NIPAL2: variants seen among roughly 807,000 people sequenced by gnomAD.
NIPAL2 encodes NIPA like domain containing 2.
In NIPAL2, 43 loss-of-function variants were observed where a neutral mutation model predicts 48.9. The ratio of observed to expected loss-of-function variants is 0.88; its 90% CI spans 0.69 to 1.13. NIPAL2 has a LOEUF of 1.13. Ranked by LOEUF, NIPAL2 falls within the 50% of genes most tolerant of loss-of-function variation. NIPAL2 has a pLI of 0.00. For synonymous variants in NIPAL2, 167 were observed against 174.6 expected (o/e 0.96, Z 0.34); for missense variants, 446 against 461.4 (o/e 0.97, Z 0.31).
chr8:98,247,623 C>G (rs1011486756), intron 3 of NIPAL2, among the ~76,000 whole-genome samples: 6 of 152,186 alleles, frequency 3.9e-5, no homozygotes, highest in African/African-American at 1.4e-4. Flanking sequence ...GTATTACAAT[C>G]ATTTGCAGAC....
intron 3 of NIPAL2, among the ~76,000 whole-genome samples, chr8:98,242,780 G>C (rs183126245): frequency 6.6e-6 from 1 of 152,058 alleles, no homozygotes; most frequent in South Asian, 2.1e-4. Context: ...CACCGCGCCC[G>C]GTCTTTTGCC....
Position 98,252,545 on chromosome 8 carries a change from GGCCATCA to G in NIPAL2, c.287_293del (p.Leu96ProfsTer18), listed in dbSNP as rs1813650377. On this transcript the variant is annotated frameshift_variant, in exon 3 of 11. Transcript: ENST00000430223. LOFTEE classifies it high-confidence loss of function. ...CTGCAAAGTTCCCCGTCTCTCCCAC[GGCCATCA>G]GCAGGACACCACCCCACCACAGCAC... 1 of 1,614,044 alleles carries G rather than the reference GGCCATCA, an allele frequency of 6.2e-7. No individual in the cohort carries two copies. The highest frequency in any genetic ancestry group is 1.3e-5 in the African/African-American group (1 of 75,010).
intron 4 of NIPAL2, 69 bp from the exon 5 acceptor site, chr8:98,222,669 C>T (rs1339337547): frequency 1.1e-5 from 17 of 1,478,274 alleles, no homozygotes; most frequent in Non-Finnish European, 1.6e-5. Context: ...GCAGACATTG[C>T]CTAGAGACTG....
At chr8:98,251,222 G>A (rs944518856) in intron 3 of NIPAL2, among the ~76,000 whole-genome samples, 1 of 152,068 alleles carries the variant, frequency 6.6e-6, no homozygotes, top group African/African-American at 2.4e-5. Context: ...CTAAAGATCA[G>A]CATGACATAC....
At position 98,209,445 on chromosome 8, in the gene NIPAL2, C is replaced by CAAAAAAAAAAAAAAAAAAA. The variant is rs33923448; in HGVS notation, c.655+2941_655+2959dup. ...GCAGCATGGGGATACCCTGTCTCTC[C>CAAAAAAAAAAAAAAAAAAA]AAAAAAAAAAAAAAAAAAAAAAATT... is the stretch of plus-strand genomic sequence containing the variant. On this transcript the variant is annotated intron_variant, in intron 6 of 10. Transcript: ENST00000430223. 2.8e-5 allele frequency among the ~76,000 whole-genome samples: 2 copies of CAAAAAAAAAAAAAAAAAAA among 70,512 alleles called. 1 individual carries two copies. Among genetic ancestry groups the CAAAAAAAAAAAAAAAAAAA allele is most frequent in the Non-Finnish European group, 5.0e-5 (2 of 40,074 alleles). 46.3% of individuals were successfully genotyped at this position (70,512 alleles called of 152,430 possible).
intron 5 of NIPAL2, among the ~76,000 whole-genome samples, chr8:98,213,864 T>C (rs1010869784): frequency 6.6e-6 from 1 of 152,202 alleles, no homozygotes; most frequent in African/African-American, 2.4e-5. Context: ...TCATTTCTTG[T>C]TCATATGTTT....
intron 8 of NIPAL2, among the ~76,000 whole-genome samples, chr8:98,202,284 G>A (rs1309588810): frequency 1.3e-5 from 2 of 152,188 alleles, no homozygotes; most frequent in African/African-American, 4.8e-5. Flanking sequence ...GCTGGTGAGG[G>A]GCATATAGGG....
intron 3 of NIPAL2, among the ~76,000 whole-genome samples, chr8:98,244,427 G>A (rs1813174701): frequency 7.6e-6 from 1 of 131,746 alleles, no homozygotes; most frequent in East Asian, 2.1e-4. Flanking sequence ...ATGATGAGGG[G>A]GTGGGCTGTG....
At chr8:98,259,964 A>G (rs1814193730) in intron 1 of NIPAL2, among the ~76,000 whole-genome samples, 1 of 152,194 alleles carries the variant, frequency 6.6e-6, no homozygotes, top group Non-Finnish European at 1.5e-5. Flanking sequence ...GTAATTTTAA[A>G]CCACAAAACT....
At chr8:98,256,465 A>G (rs1813897817) in intron 1 of NIPAL2, among the ~76,000 whole-genome samples, 1 of 152,198 alleles carries the variant, frequency 6.6e-6, no homozygotes, top group Admixed American at 6.5e-5. Context: ...CAACAAAAAC[A>G]TCCTGATTAA....
intron 1 of NIPAL2, among the ~76,000 whole-genome samples, chr8:98,277,356 C>CT (rs1815530933): frequency 6.6e-6 from 1 of 152,024 alleles, no homozygotes; most frequent in African/African-American, 2.4e-5. Context: ...TGATGAAACT[C>CT]TGTCTCTACT....
chr8:98,257,162 T>C (rs1183507090), intron 1 of NIPAL2, among the ~76,000 whole-genome samples: 1 of 152,092 alleles, frequency 6.6e-6, no homozygotes, highest in African/African-American at 2.4e-5. Context: ...CCCTCCTTCC[T>C]TTAGAATTAG....
chr8:98,253,466 T>C (rs957709351), intron 2 of NIPAL2, among the ~76,000 whole-genome samples: 2 of 152,230 alleles, frequency 1.3e-5, no homozygotes, highest in Non-Finnish European at 2.9e-5. Flanking sequence ...TGGTTAAAAA[T>C]TCATATTTCA....
At chr8:98,226,229 G>T (rs928771116) in intron 4 of NIPAL2, among the ~76,000 whole-genome samples, 1 of 152,060 alleles carries the variant, frequency 6.6e-6, no homozygotes, top group Non-Finnish European at 1.5e-5. Flanking sequence ...GACTTATTTA[G>T]TTTGTTTGGT....
At chr8:98,242,344 C>G (rs2130804381) in intron 3 of NIPAL2, among the ~76,000 whole-genome samples, 1 of 151,986 alleles carries the variant, frequency 6.6e-6, no homozygotes, top group East Asian at 1.9e-4. Flanking sequence ...TACTAACACG[C>G]CTGGCTAGTT....
intron 8 of NIPAL2, among the ~76,000 whole-genome samples, chr8:98,201,343 C>T (rs1810789147): frequency 6.6e-6 from 1 of 152,130 alleles, no homozygotes; most frequent in Admixed American, 6.5e-5. Flanking sequence ...TATTAAGACC[C>T]AGCCCTGTTG....
chr8:98,213,202 C>T (rs1326575562), intron 5 of NIPAL2, among the ~76,000 whole-genome samples: 1 of 152,138 alleles, frequency 6.6e-6, no homozygotes, highest in Non-Finnish European at 1.5e-5. Context: ...GCTGCACTCC[C>T]CTCCTCCTTC....
At chr8:98,220,856 T>C (rs1811818871) in intron 5 of NIPAL2, among the ~76,000 whole-genome samples, 1 of 151,994 alleles carries the variant, frequency 6.6e-6, no homozygotes, top group African/African-American at 2.4e-5. Flanking sequence ...ACAAGTTGCA[T>C]ATCAGCCCTT....
chr8:98,243,704 C>T (rs1586385661), intron 3 of NIPAL2, among the ~76,000 whole-genome samples: 1 of 152,178 alleles, frequency 6.6e-6, no homozygotes, highest in East Asian at 1.9e-4. Context: ...GTAATAGCTA[C>T]TAATGTGGAT....
Sources: gnomAD v4.1 joint callset for allele counts (sites outside exome capture counted in the v4.1 genomes callset) on GRCh38, gnomAD v4.1.1 for gene constraint, MANE v1.5 for transcripts, NCBI Gene and HGNC (gene_info 2026-07-23, HGNC 2026-07-21) for gene names.